Variants in CUBN observed in about 807,000 individuals in gnomAD.
CUBN encodes the protein cubilin.
CUBN carries 282 observed loss-of-function variants against 405.3 expected under a neutral mutation model. The ratio of observed to expected loss-of-function variants is 0.70; its 90% CI spans 0.63 to 0.77. CUBN has a LOEUF of 0.77. Ranked by LOEUF, CUBN falls within the 30% of genes least tolerant of loss-of-function variation. The probability of loss-of-function intolerance (pLI) is 0.00; values close to 1 mark genes in which losing one functional copy is unlikely to be tolerated. For missense variants in CUBN, 4,514 were observed against 4,475.2 expected (o/e 1.01, Z -0.25); for synonymous variants, 1,684 against 1,617.0 (o/e 1.04, Z -0.99).
At chr10:17,110,719 G>C (rs1337392859) in intron 9 of CUBN, among the ~76,000 whole-genome samples, 200 bp downstream of exon 9, 3 of 152,162 alleles carry the variant, frequency 2.0e-5, no homozygotes, top group Admixed American at 6.6e-5. Flanking sequence ...GTAGAGACAG[G>C]GTTTCACCAT....
intron 33 of CUBN, among the ~76,000 whole-genome samples, chr10:16,951,750 T>C (rs1842926801): frequency 6.6e-6 from 1 of 152,228 alleles, no homozygotes; most frequent in Non-Finnish European, 1.5e-5. Flanking sequence ...TGTGCTGGAA[T>C]AGTACCTTGC....
chr10:16,904,174 A>T (rs1841491614), intron 50 of CUBN, 59 bp from the exon 51 acceptor site: 1 of 1,524,050 alleles, frequency 6.6e-7, no homozygotes, highest in Admixed American at 1.7e-5. Flanking sequence ...AATACATTCA[A>T]TGAATTTGAT....
intron 6 of CUBN, 83 bp from the exon 7 acceptor site, chr10:17,115,680 T>A (rs1836877384): frequency 6.7e-7 from 1 of 1,502,894 alleles, no homozygotes; most frequent in African/African-American, 1.4e-5. Flanking sequence ...GAAAAATAAT[T>A]CAAATTACAA....
At chr10:17,075,436 G>A (rs556498223) in intron 17 of CUBN, among the ~76,000 whole-genome samples, 2 of 152,102 alleles carry the variant, frequency 1.3e-5, no homozygotes, top group Admixed American at 6.6e-5. Context: ...GGGATGTGGC[G>A]ACAGTTACTC....
intron 10 of CUBN, among the ~76,000 whole-genome samples, chr10:17,107,195 G>C (rs1588646668): frequency 6.6e-6 from 1 of 152,130 alleles, no homozygotes; most frequent in Non-Finnish European, 1.5e-5. Flanking sequence ...CGCAATGTTA[G>C]GTTAAAAATA....
rs1838725246 is a variant in CUBN at position 16,824,802 on chromosome 10, G to A, written c.*173C>T. On this transcript the variant is annotated 3_prime_UTR_variant, in exon 67 of 67. Coordinates refer to ENST00000377833, the MANE Select transcript of CUBN (RefSeq NM_001081.4). ...CCCAAAGTGCTGAGAATACAGGGGG[G>A]TGAGCCACCACGCCTGGCCTACAAA... 1 of 624,390 alleles carries A rather than the reference G, an allele frequency of 1.6e-6. No individual in the cohort carries two copies. Among genetic ancestry groups the A allele is most frequent in the Non-Finnish European group, 3.0e-6 (1 of 337,512 alleles). The allele number at this position is 624,390 out of a possible 1,614,324, so 38.7% of individuals were successfully genotyped here.
chr10:17,123,783 A>G, intron 4 of CUBN, 94 bp from the exon 5 acceptor site: 1 of 789,470 alleles, frequency 1.3e-6, no homozygotes, highest in Non-Finnish European at 2.2e-6. Context: ...TTAACTCTTA[A>G]TCAGTGGGGG....
intron 32 of CUBN, among the ~76,000 whole-genome samples, chr10:16,953,796 A>G (rs1282527005): frequency 2.0e-5 from 3 of 151,762 alleles, no homozygotes; most frequent in Non-Finnish European, 2.9e-5. Context: ...GGCTTCAGTG[A>G]GCCGTGATTG....
chr10:16,847,376 C>T (rs971868577), intron 60 of CUBN, among the ~76,000 whole-genome samples: 10 of 152,010 alleles, frequency 6.6e-5, no homozygotes, highest in Admixed American at 2.0e-4. Flanking sequence ...GGCGTGAACC[C>T]GGGAGACAGA....
intron 10 of CUBN, among the ~76,000 whole-genome samples, chr10:17,106,201 C>T (rs7910071): frequency 0.58 from 88,065 of 151,676 alleles, 26,629 homozygotes; most frequent in Non-Finnish European, 0.67. Context: ...AGGAGAATCA[C>T]TTGAACCCAG....
Position 16,925,756 on chromosome 10 carries a change from T to C in CUBN, c.6290A>G (p.His2097Arg), listed in dbSNP as rs760604907. 4.3e-6 allele frequency: 7 copies of C among 1,613,980 alleles called. No individual in the cohort carries two copies. The highest frequency in any genetic ancestry group is 5.9e-6 in the Non-Finnish European group (7 of 1,179,914). Residue 2097 changes from histidine (H) to arginine (R), a missense_variant, in exon 42 of 67, where the codon CAT becomes CGT. His to Arg is a conservative substitution (Grantham distance 29). This residue lies in a region of CUBN where 1,613 missense variants were observed against 1,542.8 expected (regional missense o/e 1.05). Coordinates refer to ENST00000377833, the MANE Select transcript of CUBN (RefSeq NM_001081.4). ...GGACGTGATGATCCCTCTGTCTGCA[T>C]GCAAATATCCACCGCAGCCTTCCCA... ...SFHKSCGGYL[H>R]ADRGIITSPK...
At chr10:16,900,311 CG>C (rs1001584101) in intron 53 of CUBN, among the ~76,000 whole-genome samples, 3 of 152,298 alleles carry the variant, frequency 2.0e-5, no homozygotes, top group Admixed American at 6.5e-5. Flanking sequence ...ACCCTTTTGC[CG>C]ATGAAGGCAG....
At chr10:17,014,109 T>C (rs941473851) in intron 28 of CUBN, among the ~76,000 whole-genome samples, 24 of 152,180 alleles carry the variant, frequency 1.6e-4, no homozygotes, top group Admixed American at 1.0e-3. Flanking sequence ...GCACCTAGTA[T>C]GCCATTTACA....
rs183564249 is a variant in CUBN at position 17,050,140 on chromosome 10, A to T, written c.3140-2537T>A. 2.0e-5 allele frequency among the ~76,000 whole-genome samples: 3 copies of T among 151,656 alleles called. No individual in the cohort carries two copies. In the East Asian group the frequency reaches 5.8e-4, roughly 29 times the overall value. On this transcript the variant is annotated intron_variant, in intron 22 of 66. Transcript: ENST00000377833. Reference sequence around the variant, plus strand: ...CTACGACTTCTATTTTTCTCACCTCATTTTTCCTCTCTCTCTCTTCTTCCT... The same window carrying T: ...CTACGACTTCTATTTTTCTCACCTCTTTTTTCCTCTCTCTCTCTTCTTCCT...
rs779809669 is a variant in CUBN, at chr10:16,831,376, C to T, written c.10404G>A (p.Lys3468=). The part of the protein sequence containing the change: ...GSNSNSPLLG[K]YCGTLLPNPV... ...GGTTTGGCAGCAGAGTTCCACAGTACTTGCCCAGTAATGGTGAATTGCTGT... is the reference window on the plus strand; with the variant it reads ...GGTTTGGCAGCAGAGTTCCACAGTATTTGCCCAGTAATGGTGAATTGCTGT... The change falls in exon 65 of 67, where the codon AAG becomes AAA. Residue 3468 remains lysine (K), a synonymous_variant. Transcript: ENST00000377833. 2 of 1,614,118 alleles carry T rather than the reference C, an allele frequency of 1.2e-6. No homozygotes were observed. The highest frequency in any genetic ancestry group is 4.5e-5 in the East Asian group (2 of 44,882).
intron 22 of CUBN, among the ~76,000 whole-genome samples, chr10:17,061,505 C>T (rs951139988): frequency 2.6e-5 from 4 of 152,136 alleles, no homozygotes; most frequent in African/African-American, 9.7e-5. Context: ...TCTCTTTACC[C>T]GTTTAGTGTA....
At chr10:16,935,740 TGTG>T (rs1301096744) in intron 39 of CUBN, among the ~76,000 whole-genome samples, 2 of 151,324 alleles carry the variant, frequency 1.3e-5, no homozygotes, top group Non-Finnish European at 2.9e-5. Context: ...ATCAGCCAGG[TGTG>T]GTGGTGGGCA....
In CUBN at chr10:17,084,367, G is replaced by C. The variant is rs1836049784; in HGVS notation, c.2205C>G (p.Val735=). The change falls in exon 17 of 67, where the codon GTC becomes GTG. Residue 735 remains valine, a synonymous_variant. Transcript: ENST00000377833. ...SGPFTHTRQC[V]YMMKQPQGEQ... Reference sequence around the variant, plus strand: ...CTCCCTGGGGCTGCTTCATCATATAGACGCATTGCCTGGTGTGAGTGAAAG... The same window carrying C: ...CTCCCTGGGGCTGCTTCATCATATACACGCATTGCCTGGTGTGAGTGAAAG... 1.2e-6 allele frequency: 2 copies of C among 1,614,042 alleles called. No individual in the cohort carries two copies. Among genetic ancestry groups the C allele is most frequent in the South Asian group, 1.1e-5 (1 of 91,086 alleles).
At chr10:17,123,011 A>G in intron 5 of CUBN, 113 bp from the exon 6 acceptor site, 2 of 758,612 alleles carry the variant, frequency 2.6e-6, no homozygotes, top group Non-Finnish European at 4.8e-6. Flanking sequence ...AAGTCCTCAT[A>G]AAGTCAAATA....
Sources: allele counts gnomAD v4.1 joint callset (sites outside exome capture counted in the v4.1 genomes callset), GRCh38; gene constraint gnomAD v4.1.1; regional missense constraint gnomAD v4.1.1; transcripts MANE v1.5; gene names NCBI Gene and HGNC (gene_info 2026-07-23, HGNC 2026-07-21).